The following ADAM23 variants were observed in gnomAD, a reference collection of about 807,000 sequenced individuals.
ADAM23 encodes disintegrin and metalloproteinase domain-containing protein 23.
In ADAM23, 33 loss-of-function variants were observed where a neutral mutation model predicts 120.1. The observed-to-expected ratio is 0.27, with a 90% confidence interval of 0.21 to 0.37. The LOEUF (loss-of-function observed/expected upper bound fraction) is 0.37. Among genes scored for constraint, ADAM23 ranks in the 10% least tolerant of loss-of-function variants. The probability of loss-of-function intolerance (pLI) is 1.00; values close to 1 mark genes in which losing one functional copy is unlikely to be tolerated. For missense variants in ADAM23, 862 were observed against 1,058.2 expected, an observed-to-expected ratio of 0.81 and a Z score of 2.57; for synonymous variants, 367 against 375.2, an observed-to-expected ratio of 0.98 and a Z score of 0.25.
chr2:206,567,820 C>T (rs774871865), intron 15 of ADAM23, among the ~76,000 whole-genome samples: 28 of 152,154 alleles, frequency 1.8e-4, no homozygotes, highest in Non-Finnish European at 3.2e-4. Flanking sequence ...CACATTTCCA[C>T]ATGGCTAGGG....
chr2:206,468,075 C>T (rs180846736), intron 2 of ADAM23, among the ~76,000 whole-genome samples: 8 of 152,268 alleles, frequency 5.3e-5, no homozygotes, highest in Non-Finnish European at 1.0e-4. Flanking sequence ...TCAATTCTTC[C>T]CTCCTAGGCC....
intron 3 of ADAM23, among the ~76,000 whole-genome samples, chr2:206,491,659 T>A (rs1226876004): frequency 6.6e-6 from 1 of 152,222 alleles, no homozygotes; most frequent in Non-Finnish European, 1.5e-5. Context: ...GAGAATTAGA[T>A]GTGACCAAGC....
intron 3 of ADAM23, among the ~76,000 whole-genome samples, chr2:206,502,076 C>T (rs1696399692): frequency 6.6e-6 from 1 of 151,984 alleles, no homozygotes; most frequent in Non-Finnish European, 1.5e-5. Context: ...ACTTCCTTTG[C>T]CTTGATTTGG....
intron 15 of ADAM23, among the ~76,000 whole-genome samples, chr2:206,568,935 A>G (rs141007896): frequency 6.6e-6 from 1 of 152,318 alleles, no homozygotes; most frequent in African/African-American, 2.4e-5. Flanking sequence ...GTAGAATCTT[A>G]GTATGGCTGT....
intron 22 of ADAM23, among the ~76,000 whole-genome samples, chr2:206,593,108 G>A (rs918432500): frequency 6.6e-6 from 1 of 152,134 alleles, no homozygotes; most frequent in African/African-American, 2.4e-5. Context: ...AAGAATTTAA[G>A]CTATAGTTTA....
chr2:206,613,394 TTA>T (rs1698873209), intron 25 of ADAM23, among the ~76,000 whole-genome samples: 1 of 152,158 alleles, frequency 6.6e-6, no homozygotes, highest in African/African-American at 2.4e-5. Flanking sequence ...AAGTATGAGG[TTA>T]CTAAGGGTAT....
At chr2:206,497,421 A>G (rs1313618970) in intron 3 of ADAM23, among the ~76,000 whole-genome samples, 1 of 152,218 alleles carries the variant, frequency 6.6e-6, no homozygotes, top group Non-Finnish European at 1.5e-5. Flanking sequence ...ATCTCAATAG[A>G]TGCAGAAAAG....
At chr2:206,602,822 A>G (rs1574560946) in intron 24 of ADAM23, among the ~76,000 whole-genome samples, 1 of 152,220 alleles carries the variant, frequency 6.6e-6, no homozygotes, top group Admixed American at 6.5e-5. Context: ...TCTGTCTTTT[A>G]GCACAAGTAA....
chr2:206,615,609 C>T (rs1465190081), intron 25 of ADAM23, among the ~76,000 whole-genome samples: 1 of 152,152 alleles, frequency 6.6e-6, no homozygotes, highest in East Asian at 1.9e-4. Context: ...CCTGCTGGGA[C>T]ATCAGTGGAA....
chr2:206,490,924 A>G (rs1696119688), intron 3 of ADAM23, among the ~76,000 whole-genome samples: 1 of 152,190 alleles, frequency 6.6e-6, no homozygotes, highest in South Asian at 2.1e-4. Flanking sequence ...ACAATAAAAG[A>G]AATATTGTCT....
At chr2:206,471,995 T>C (rs985137216) in intron 2 of ADAM23, among the ~76,000 whole-genome samples, 1 of 152,242 alleles carries the variant, frequency 6.6e-6, no homozygotes, top group East Asian at 1.9e-4. Context: ...TTAGTTGGCA[T>C]TGCCAGTTTA....
intron 24 of ADAM23, among the ~76,000 whole-genome samples, chr2:206,605,071 C>T (rs766582790): frequency 6.6e-6 from 1 of 152,158 alleles, no homozygotes; most frequent in Non-Finnish European, 1.5e-5. Flanking sequence ...GAAAGCTGTA[C>T]ACAGAGAAGC....
At chr2:206,489,584 A>G (rs1297657448) in intron 3 of ADAM23, among the ~76,000 whole-genome samples, 1 of 152,210 alleles carries the variant, frequency 6.6e-6, no homozygotes, top group Non-Finnish European at 1.5e-5. Flanking sequence ...TTATGGTGAT[A>G]GACACTGTGC....
At chr2:206,568,145 C>T (rs1697927188) in intron 15 of ADAM23, among the ~76,000 whole-genome samples, 1 of 151,980 alleles carries the variant, frequency 6.6e-6, no homozygotes, top group South Asian at 2.1e-4. Context: ...GTGGTTTGTC[C>T]TCTTGGGACA....
chr2:206,578,024 CA>C (rs1371334075), intron 18 of ADAM23, among the ~76,000 whole-genome samples: 3 of 152,070 alleles, frequency 2.0e-5, no homozygotes, highest in Admixed American at 2.0e-4. Flanking sequence ...TGATGATGAG[CA>C]TTTTTTCATG....
rs368113895 is a variant in ADAM23, at chr2:206,594,730, G to C, written c.2079-7G>C. The C allele has an allele frequency of 5.6e-6, 9 of 1,613,900 alleles. No homozygotes were observed. The highest frequency in any genetic ancestry group is 1.3e-5 in the African/African-American group (1 of 74,914). On this transcript the variant is annotated splice_region_variant and splice_polypyrimidine_tract_variant and intron_variant, in intron 22 of 25. Transcript: ENST00000264377. ...AAATAGTTATATGGGTATCTTTCTTGTTTTAGTGGTGCCCATGTAGTTTTA... is the reference window on the plus strand; with the variant it reads ...AAATAGTTATATGGGTATCTTTCTTCTTTTAGTGGTGCCCATGTAGTTTTA...
chr2:206,472,544 C>T (rs1265560551), intron 2 of ADAM23, among the ~76,000 whole-genome samples: 1 of 149,778 alleles, frequency 6.7e-6, no homozygotes, highest in Non-Finnish European at 1.5e-5. Flanking sequence ...ACCCAGGAGG[C>T]GGAGGTTGTG....
intron 2 of ADAM23, among the ~76,000 whole-genome samples, chr2:206,463,703 T>C (rs1322275237): frequency 6.6e-6 from 1 of 152,206 alleles, no homozygotes; most frequent in East Asian, 1.9e-4. Flanking sequence ...TGTGTGCATA[T>C]GTTAATGACC....
chr2:206,443,904 T>G lies in ADAM23; in HGVS notation c.38T>G (p.Leu13Arg). The G allele has an allele frequency of 8.4e-7, 1 of 1,193,538 alleles. No individual in the cohort carries two copies. Among genetic ancestry groups the G allele is most frequent in the East Asian group, 3.8e-5 (1 of 26,412 alleles). The allele number at this position is 1,193,538 out of a possible 1,614,324, so 73.9% of individuals were successfully genotyped here. ...GGCAGCAGCTCGCGGCAGCCGCCCC[T>G]GGCGGGCTGCAGCCTTGCCGGCGCT... Reference protein sequence around the residue: ...PPGSSSRQPPLAGCSLAGASC... With the variant: ...PPGSSSRQPPRAGCSLAGASC... The change falls in exon 1 of 26, where the codon CTG becomes CGG. Residue 13 changes from leucine to arginine, a missense_variant. Coordinates refer to ENST00000264377, the MANE Select transcript of ADAM23 (RefSeq NM_003812.4).
Sources: gnomAD v4.1 joint callset for allele counts (sites outside exome capture counted in the v4.1 genomes callset) on GRCh38, gnomAD v4.1.1 for gene constraint, MANE v1.5 for transcripts, NCBI Gene and HGNC (gene_info 2026-07-23, HGNC 2026-07-21) for gene names.